Variants in RPH3A observed in about 807,000 individuals in gnomAD.
RPH3A encodes rabphilin 3A, also known as rabphilin-3A.
In RPH3A, 48 loss-of-function variants were observed where a neutral mutation model predicts 102.2. The ratio of observed to expected loss-of-function variants is 0.47; its 90% CI spans 0.37 to 0.60. RPH3A has a LOEUF of 0.60. RPH3A is among the 20% of genes least tolerant of loss of function. The pLI is 0.00. For synonymous variants in RPH3A, 310 were observed against 324.3 expected, an observed-to-expected ratio of 0.96 and a Z score of 0.47; for missense variants, 781 against 910.1, an observed-to-expected ratio of 0.86 and a Z score of 1.83.
chr12:112,663,532 T>C (rs1346449772), intron 1 of RPH3A, among the ~76,000 whole-genome samples: 1 of 152,078 alleles, frequency 6.6e-6, no homozygotes, highest in African/African-American at 2.4e-5. Flanking sequence ...ATTATTATTA[T>C]TTTTTATAGA....
chr12:112,584,531 T>C (rs957063917), intron 1 of RPH3A, among the ~76,000 whole-genome samples: 5 of 152,028 alleles, frequency 3.3e-5, no homozygotes, highest in Non-Finnish European at 7.4e-5. Context: ...GGGGGTGTGG[T>C]CCAAACACAG....
Position 112,634,369 on chromosome 12 carries a change from CAAAA to C in RPH3A, c.-140+59054_-140+59057del, listed in dbSNP as rs2039832687. Among the ~76,000 whole-genome samples the C allele has an allele frequency of 1.9e-4, 2 of 10,308 alleles. 1 individual carries two copies. The highest frequency in any genetic ancestry group is 2.7e-3 in the South Asian group (2 of 736). 6.8% of individuals were successfully genotyped at this position (10,308 alleles called of 152,430 possible). ...TCTCAAAAACAAAAAAAAAACAAAACAAAAAAACAAACAAACAAACAAACAAAAT... is the reference window on the plus strand; with the variant it reads ...TCTCAAAAACAAAAAAAAAACAAAACAAACAAACAAACAAACAAACAAAAT... On this transcript the variant is annotated intron_variant, in intron 1 of 21. Transcript: ENST00000543106.
At chr12:112,613,444 C>T (rs1472209615) in intron 1 of RPH3A, among the ~76,000 whole-genome samples, 2 of 152,000 alleles carry the variant, frequency 1.3e-5, no homozygotes, top group Non-Finnish European at 2.9e-5. Context: ...AGTAATGGCT[C>T]CCAAAGATGT....
chr12:112,596,252 C>CT (rs2039515274), intron 1 of RPH3A, among the ~76,000 whole-genome samples: 1 of 152,130 alleles, frequency 6.6e-6, no homozygotes, highest in Admixed American at 6.5e-5. Context: ...AGTGACCCTC[C>CT]TACCTTAGCC....
At position 112,629,269 on chromosome 12, in the gene RPH3A, C is replaced by G. The variant is rs144758778; in HGVS notation, c.-140+53950C>G. Among the ~76,000 whole-genome samples, 341 of 152,098 alleles carry G rather than the reference C, an allele frequency of 2.2e-3. 2 individuals carry two copies. Among genetic ancestry groups the G allele is most frequent in the African/African-American group, 8.1e-3 (335 of 41,508 alleles). ...GTATCGCCCTGTGATGAGATAGTTA[C>G]TTTTTTCTTTCCTCCAAGAAATTAA... On this transcript the variant is annotated intron_variant, in intron 1 of 21. Transcript: ENST00000543106.
intron 2 of RPH3A, among the ~76,000 whole-genome samples, chr12:112,825,056 A>G (rs2041843797): frequency 6.6e-6 from 1 of 152,116 alleles, no homozygotes; most frequent in Non-Finnish European, 1.5e-5. Flanking sequence ...ATTCTCGGGG[A>G]CTGAGCCTCT....
intron 1 of RPH3A, among the ~76,000 whole-genome samples, chr12:112,712,931 T>TTCC (rs1360588396): frequency 4.5e-5 from 5 of 110,168 alleles, no homozygotes; most frequent in African/African-American, 1.6e-4. Context: ...CTTCCTCTTC[T>TTCC]TCTTCTTCTT....
At chr12:112,879,013 G>T in intron 13 of RPH3A, 106 bp from the exon 14 acceptor site, 1 of 982,134 alleles carries the variant, frequency 1.0e-6, no homozygotes. Context: ...CTTCTCTTCT[G>T]TGGTCTCAAT....
intron 3 of RPH3A, among the ~76,000 whole-genome samples, chr12:112,829,594 T>C (rs773614775): frequency 6.6e-6 from 1 of 152,156 alleles, no homozygotes; most frequent in Non-Finnish European, 1.5e-5. Flanking sequence ...TTAGCAAAAA[T>C]TTTTCCTTAT....
At chr12:112,746,151 C>T (rs781411450) in intron 1 of RPH3A, among the ~76,000 whole-genome samples, 1 of 152,044 alleles carries the variant, frequency 6.6e-6, no homozygotes, top group Non-Finnish European at 1.5e-5. Context: ...CTTCTTTCAT[C>T]CCTCCCTCTT....
intron 1 of RPH3A, among the ~76,000 whole-genome samples, chr12:112,695,961 C>T (rs1006453848): frequency 1.3e-5 from 2 of 152,124 alleles, no homozygotes; most frequent in African/African-American, 4.8e-5. Context: ...ACACTGTACC[C>T]AATATGTAGT....
intron 2 of RPH3A, among the ~76,000 whole-genome samples, chr12:112,811,123 G>A (rs772352210): frequency 2.6e-5 from 4 of 152,080 alleles, no homozygotes; most frequent in South Asian, 4.1e-4. Flanking sequence ...AGGTTCCTAC[G>A]AATTTTGGTT....
At chr12:112,619,985 T>A (rs1296274318) in intron 1 of RPH3A, among the ~76,000 whole-genome samples, 1 of 152,200 alleles carries the variant, frequency 6.6e-6, no homozygotes, top group African/African-American at 2.4e-5. Flanking sequence ...CTAGGACACC[T>A]CAAGCTTCAG....
At chr12:112,694,615 G>C (rs182167260) in intron 1 of RPH3A, among the ~76,000 whole-genome samples, 1 of 151,476 alleles carries the variant, frequency 6.6e-6, no homozygotes, top group African/African-American at 2.4e-5. Context: ...CAGACAGAGA[G>C]AGACAAAGAC....
At position 112,689,548 on chromosome 12, in the gene RPH3A, A is replaced by G. The variant is rs140206340; in HGVS notation, c.-139-102595A>G. 3.8e-3 allele frequency among the ~76,000 whole-genome samples: 575 copies of G among 152,356 alleles called. 3 individuals are homozygous for G. The highest frequency in any genetic ancestry group is 0.013 in the African/African-American group (542 of 41,586). ...TGGAGTTTGGGCTTTTCATAGGGACATTTGATATTGGATAATTTCTAATTG... is the reference window on the plus strand; with the variant it reads ...TGGAGTTTGGGCTTTTCATAGGGACGTTTGATATTGGATAATTTCTAATTG... On this transcript the variant is annotated intron_variant, in intron 1 of 21. Coordinates refer to the RPH3A transcript ENST00000543106.
intron 1 of RPH3A, among the ~76,000 whole-genome samples, chr12:112,590,239 G>A (rs1427618315): frequency 6.6e-6 from 1 of 152,166 alleles, no homozygotes; most frequent in African/African-American, 2.4e-5. Flanking sequence ...GAGGACAACG[G>A]ATTCGCCTAG....
intron 3 of RPH3A, among the ~76,000 whole-genome samples, chr12:112,829,295 A>G (rs1378732815): frequency 2.0e-5 from 3 of 150,236 alleles, no homozygotes; most frequent in Non-Finnish European, 3.0e-5. Flanking sequence ...TTTTCTTGAG[A>G]CAGGGTCTTG....
intron 1 of RPH3A, among the ~76,000 whole-genome samples, chr12:112,723,411 A>C (rs2040564719): frequency 6.6e-6 from 1 of 152,246 alleles, no homozygotes; most frequent in Non-Finnish European, 1.5e-5. Context: ...GTATTGATCT[A>C]TACTGTAAGT....
chr12:112,885,551 A>G (rs977089211), intron 16 of RPH3A, among the ~76,000 whole-genome samples: 1 of 152,202 alleles, frequency 6.6e-6, no homozygotes, highest in Non-Finnish European at 1.5e-5. Context: ...TCATAGTTAT[A>G]AACAATATTG....
Sources: gnomAD v4.1 joint callset for allele counts (sites outside exome capture counted in the v4.1 genomes callset) on GRCh38, gnomAD v4.1.1 for gene constraint, MANE v1.5 for transcripts, NCBI Gene and HGNC (gene_info 2026-07-23, HGNC 2026-07-21) for gene names.